Variants in CCDC83 observed in about 807,000 individuals in gnomAD.
The protein encoded by CCDC83 is coiled-coil domain containing 83.
A neutral mutation model predicts 50.1 loss-of-function variants in CCDC83; 54 were observed. The ratio of observed to expected loss-of-function variants is 1.08; its 90% confidence interval spans 0.87 to 1.35. The LOEUF (loss-of-function observed/expected upper bound fraction) is 1.35. CCDC83 is among the 40% of genes most tolerant of loss of function. The pLI, the probability that CCDC83 is intolerant of heterozygous loss-of-function variation, is 0.00. For synonymous variants in CCDC83, 161 were observed against 153.3 expected (o/e 1.05, Z -0.37); for missense variants, 518 against 473.9 (o/e 1.09, Z -0.86).
intron 10 of CCDC83, among the ~76,000 whole-genome samples, chr11:85,918,660 G>GA (rs1240330763): frequency 2.0e-5 from 3 of 151,974 alleles, no homozygotes; most frequent in East Asian, 1.9e-4. Context: ...GTACCTGGGA[G>GA]AAAAAAAACC....
intron 7 of CCDC83, among the ~76,000 whole-genome samples, chr11:85,901,573 A>AAAAAT (rs60832149): frequency 0.25 from 36,054 of 143,248 alleles, 4,942 homozygotes; most frequent in Non-Finnish European, 0.27. Flanking sequence ...ACTCTGTCTC[A>AAAAAT]AAAATAAAAT....
intron 2 of CCDC83, 35 bp from the exon 3 acceptor site, chr11:85,873,176 T>C (rs1189602865): frequency 1.8e-6 from 2 of 1,136,434 alleles, no homozygotes; most frequent in Admixed American, 4.9e-5. Context: ...CTAAGATAAA[T>C]GATTCTAACA....
intron 7 of CCDC83, among the ~76,000 whole-genome samples, chr11:85,904,941 G>T (rs1307342937): frequency 2.0e-5 from 3 of 152,158 alleles, no homozygotes; most frequent in Admixed American, 2.0e-4. Flanking sequence ...TGGTGAATAG[G>T]AGTTCATACT....
At chr11:85,908,277 C>T (rs1219438440) in intron 7 of CCDC83, among the ~76,000 whole-genome samples, 2 of 152,126 alleles carry the variant, frequency 1.3e-5, no homozygotes, top group Non-Finnish European at 2.9e-5. Context: ...CTTATTCACC[C>T]TTGCATCCTT....
intron 1 of CCDC83, among the ~76,000 whole-genome samples, chr11:85,857,893 TC>T (rs1337023819): frequency 6.6e-6 from 1 of 152,136 alleles, no homozygotes; most frequent in Non-Finnish European, 1.5e-5. Context: ...GAGGACAACA[TC>T]TTTGTCACCA....
At chr11:85,889,403 G>A (rs2093341387) in intron 5 of CCDC83, among the ~76,000 whole-genome samples, 1 of 152,228 alleles carries the variant, frequency 6.6e-6, no homozygotes, top group African/African-American at 2.4e-5. Flanking sequence ...AAATTTTCAT[G>A]TGGTTGTATT....
chr11:85,911,423 G>C lies in CCDC83; in HGVS notation c.794+21G>C, dbSNP rs372435399. ...CCCAGGTGAAAATTGTTAATATATA[G>C]AGAGTATTTTGTAAACATTTGTATC... On this transcript the variant is annotated intron_variant, in intron 8 of 10. Coordinates refer to ENST00000342404, the MANE Select transcript of CCDC83 (RefSeq NM_001286159.2). The C allele has an allele frequency of 3.2e-5, 49 of 1,535,240 alleles. No individual in the cohort carries two copies. In the African/African-American group the frequency reaches 6.3e-4, roughly 20 times the overall value.
At chr11:85,864,484 T>C (rs2093195706) in intron 1 of CCDC83, among the ~76,000 whole-genome samples, 1 of 152,200 alleles carries the variant, frequency 6.6e-6, no homozygotes. Context: ...GATTTTTTTA[T>C]TATTAGGTAT....
intron 2 of CCDC83, among the ~76,000 whole-genome samples, chr11:85,869,486 T>A (rs1031552059): frequency 1.3e-5 from 2 of 152,206 alleles, no homozygotes; most frequent in Non-Finnish European, 2.9e-5. Context: ...GAATTCAAAT[T>A]TATTTGTTTT....
At chr11:85,874,203 G>A (rs1300148138) in intron 3 of CCDC83, among the ~76,000 whole-genome samples, 1 of 152,196 alleles carries the variant, frequency 6.6e-6, no homozygotes, top group Non-Finnish European at 1.5e-5. Context: ...CTGTGACTCT[G>A]ACACTATCAC....
chr11:85,876,585 A>C (rs2093270532), intron 3 of CCDC83, among the ~76,000 whole-genome samples: 1 of 152,132 alleles, frequency 6.6e-6, no homozygotes, highest in African/African-American at 2.4e-5. Flanking sequence ...GCTCATTACA[A>C]TCTCCACCTC....
chr11:85,917,914 T>C (rs2093490009), intron 10 of CCDC83: 1 of 152,228 alleles, frequency 6.6e-6, no homozygotes, highest in East Asian at 1.9e-4. Context: ...TTACTTTCCA[T>C]GAAAGTTTTT....
At position 85,859,108 on chromosome 11, in the gene CCDC83, T is replaced by TAA. The variant is rs141758826; in HGVS notation, c.-29+3532_-29+3533dup. 1.1e-4 allele frequency among the ~76,000 whole-genome samples: 14 copies of TAA among 123,310 alleles called. 1 individual carries two copies. The highest frequency in any genetic ancestry group is 1.8e-4 in the Non-Finnish European group (11 of 60,152). 80.9% of individuals were successfully genotyped at this position (123,310 alleles called of 152,430 possible). Reference sequence around the variant, plus strand: ...ATAATCTGGTCCATAATGTTTATGTTAAAAAAAAATAAAAAGCAGGAAGGT... The same window carrying TAA: ...ATAATCTGGTCCATAATGTTTATGTTAAAAAAAAAAATAAAAAGCAGGAAGGT... On this transcript the variant is annotated intron_variant, in intron 1 of 10. Coordinates refer to ENST00000342404, the MANE Select transcript of CCDC83 (RefSeq NM_001286159.2).
chr11:85,884,536 G>C (rs7101889), intron 4 of CCDC83, among the ~76,000 whole-genome samples: 51,953 of 152,024 alleles, frequency 0.34, 9,832 homozygotes, highest in African/African-American at 0.49. Flanking sequence ...AAAAATCCAA[G>C]TCAAACTAGC....
intron 10 of CCDC83, among the ~76,000 whole-genome samples, chr11:85,917,209 G>GGAGAAAGAAAGAAAGAAGGAAAGAAA: frequency 1.1e-5 from 1 of 94,854 alleles, no homozygotes; most frequent in African/African-American, 3.9e-5. Context: ...AAAGAAAGAA[G>GGAGAAAGAAAGAAAGAAGGAAAGAAA]GAAAGAAAGA....
intron 2 of CCDC83, among the ~76,000 whole-genome samples, chr11:85,869,002 A>C (rs1254928973): frequency 6.6e-6 from 1 of 152,186 alleles, no homozygotes; most frequent in Non-Finnish European, 1.5e-5. Flanking sequence ...TTGTTGAGTA[A>C]ATGTTGTCGG....
intron 7 of CCDC83, among the ~76,000 whole-genome samples, chr11:85,904,405 G>A (rs1352311855): frequency 1.3e-5 from 2 of 152,196 alleles, no homozygotes; most frequent in African/African-American, 2.4e-5. Flanking sequence ...TCTGGTTTAT[G>A]AGGACAGCAG....
In CCDC83 at chr11:85,910,926, C is replaced by T. The variant is rs529750306; in HGVS notation, c.673-355C>T. Among the ~76,000 whole-genome samples, 7 of 152,174 alleles carry T rather than the reference C, an allele frequency of 4.6e-5. No homozygotes were observed. In the South Asian group the frequency reaches 6.2e-4, roughly 14 times the overall value. Reference sequence around the variant, plus strand: ...GTGGCTCACACCTGTAATCCCAGCACTTTGGGAGGCCGAGGCAGGCAGATC... The same window carrying T: ...GTGGCTCACACCTGTAATCCCAGCATTTTGGGAGGCCGAGGCAGGCAGATC... On this transcript the variant is annotated intron_variant, in intron 7 of 10. Transcript: ENST00000342404.
At chr11:85,889,291 G>A (rs11825003) in intron 5 of CCDC83, among the ~76,000 whole-genome samples, 1,993 of 152,368 alleles carry the variant, frequency 0.013, 45 homozygotes, top group African/African-American at 0.044. Context: ...GGCAGAGGTT[G>A]CAGTGAGCTA....
Sources: allele counts gnomAD v4.1 joint callset (sites outside exome capture counted in the v4.1 genomes callset), GRCh38; gene constraint gnomAD v4.1.1; transcripts MANE v1.5; gene names NCBI Gene and HGNC (gene_info 2026-07-23, HGNC 2026-07-21).